Variants in KIAA1217 observed in about 807,000 individuals in gnomAD.
The protein encoded by KIAA1217 is sickle tail protein homolog.
Under a neutral mutation model 163.9 loss-of-function variants are expected in KIAA1217, and 88 were observed. That is an observed-to-expected ratio of 0.54 (90% CI 0.45 to 0.64). The LOEUF (loss-of-function observed/expected upper bound fraction) is 0.64. Among genes scored for constraint, KIAA1217 ranks in the 30% least tolerant of loss-of-function variants. The pLI, the probability that KIAA1217 is intolerant of heterozygous loss-of-function variation, is 0.00. For missense variants in KIAA1217, 2,372 were observed against 2,475.0 expected, an observed-to-expected ratio of 0.96 and a Z score of 0.88; for synonymous variants, 903 against 923.1, an observed-to-expected ratio of 0.98 and a Z score of 0.39.
intron 3 of KIAA1217, among the ~76,000 whole-genome samples, chr10:24,391,404 G>A (rs2054960662): frequency 7.3e-6 from 1 of 136,780 alleles, no homozygotes; most frequent in South Asian, 2.4e-4. Flanking sequence ...GGAGTGCAGT[G>A]GTGTGATCTC....
chr10:24,495,193 G>A lies in KIAA1217; in HGVS notation c.1831G>A (p.Ala611Thr). The change falls in exon 8 of 21, where the codon GCA (alanine) becomes ACA (threonine). Residue 611 changes from alanine (A) to threonine (T), a missense_variant. Coordinates refer to ENST00000376454, the MANE Select transcript of KIAA1217 (RefSeq NM_019590.5). ...AGCCAACAGGAACCACACAGATAGT[G>A]CAGGTAAGTAAGTGTTTTTGGAGCT... is the stretch of plus-strand genomic sequence containing the variant. The part of the protein sequence containing the change: ...TTANRNHTDS[A>T]GTPHVSGGKM... The A allele has an allele frequency of 1.2e-6, 2 of 1,612,446 alleles. No individual in the cohort carries two copies. Among genetic ancestry groups the A allele is most frequent in the South Asian group, 1.1e-5 (1 of 90,578 alleles).
intron 2 of KIAA1217, among the ~76,000 whole-genome samples, chr10:24,200,170 C>T (rs925348945): frequency 2.0e-5 from 3 of 151,324 alleles, no homozygotes; most frequent in African/African-American, 7.3e-5. Flanking sequence ...GTTTGTGTTG[C>T]CTCATGGCTT....
chr10:24,120,940 T>C (rs1345642435), intron 2 of KIAA1217, among the ~76,000 whole-genome samples: 5 of 152,332 alleles, frequency 3.3e-5, no homozygotes, highest in South Asian at 4.1e-4. Flanking sequence ...CTAGGTGTGA[T>C]ACTAAATATT....
chr10:24,539,217 TTTTTC>T (rs893878993), intron 17 of KIAA1217, among the ~76,000 whole-genome samples: 11 of 151,984 alleles, frequency 7.2e-5, no homozygotes, highest in African/African-American at 2.2e-4. Context: ...CATTGTAGAA[TTTTTC>T]TTTTCTTTTC....
At position 24,062,206 on chromosome 10, in the gene KIAA1217, T is replaced by A. The variant is rs530445899; in HGVS notation, c.-171+54832T>A. 1.1e-4 allele frequency among the ~76,000 whole-genome samples: 17 copies of A among 151,768 alleles called. No homozygotes were observed. The East Asian group carries it at 2.7e-3, about 24-fold the overall frequency. On this transcript the variant is annotated intron_variant, in intron 2 of 18. Transcript: ENST00000376462. ...ACAAGGTGCAGGTTTGTTACATATG[T>A]ATACATGTGCCATGTTGGTGTGCTG...
At chr10:24,399,679 T>C (rs1171513311) in intron 3 of KIAA1217, among the ~76,000 whole-genome samples, 6 of 152,132 alleles carry the variant, frequency 3.9e-5, no homozygotes, top group African/African-American at 1.2e-4. Context: ...AGAGAGTTAA[T>C]GTGAGGTTGA....
chr10:23,747,077 G>T (rs59486842), intron 1 of KIAA1217, among the ~76,000 whole-genome samples: 5 of 152,178 alleles, frequency 3.3e-5, no homozygotes, highest in South Asian at 2.1e-4. Context: ...CGAAGACTAC[G>T]CAGGGCCTAG....
chr10:23,871,590 C>T (rs547397883), intron 1 of KIAA1217, among the ~76,000 whole-genome samples: 1 of 152,054 alleles, frequency 6.6e-6, no homozygotes, highest in South Asian at 2.1e-4. Context: ...TCTGTCACTT[C>T]TTCTAAATCA....
intron 2 of KIAA1217, among the ~76,000 whole-genome samples, chr10:24,366,538 C>A (rs1257759943): frequency 6.6e-6 from 1 of 152,224 alleles, no homozygotes; most frequent in East Asian, 1.9e-4. Context: ...AAACCAAAGG[C>A]ACACTCCAGG....
intron 3 of KIAA1217, among the ~76,000 whole-genome samples, chr10:24,421,147 A>G (rs2058704814): frequency 6.6e-6 from 1 of 152,156 alleles, no homozygotes; most frequent in African/African-American, 2.4e-5. Context: ...CTGAGACTAC[A>G]GGCCTATGCC....
At chr10:24,463,323 A>G (rs1168799748) in intron 5 of KIAA1217, among the ~76,000 whole-genome samples, 1 of 152,218 alleles carries the variant, frequency 6.6e-6, no homozygotes, top group Non-Finnish European at 1.5e-5. Context: ...AGGGCTCAGT[A>G]GAGTTCCTCT....
chr10:23,735,208 A>T (rs1050844882), intron 1 of KIAA1217, among the ~76,000 whole-genome samples: 7 of 152,080 alleles, frequency 4.6e-5, no homozygotes, highest in African/African-American at 1.2e-4. Context: ...CTTCAATTTA[A>T]AAGTATAAAG....
At chr10:24,545,520 C>T (rs2075637898) in intron 20 of KIAA1217, 2 of 1,306,338 alleles carry the variant, frequency 1.5e-6, no homozygotes. Context: ...AATGCCCGAC[C>T]CCCACCCCAG....
chr10:24,228,690 T>C (rs1201153301), intron 2 of KIAA1217, among the ~76,000 whole-genome samples: 1 of 152,142 alleles, frequency 6.6e-6, no homozygotes, highest in Non-Finnish European at 1.5e-5. Flanking sequence ...GCTTCTTGGT[T>C]CTAGTACCCA....
At chr10:23,813,565 T>TAAA (rs1374508562) in intron 1 of KIAA1217, among the ~76,000 whole-genome samples, 8 of 152,174 alleles carry the variant, frequency 5.3e-5, no homozygotes, top group Non-Finnish European at 1.2e-4. Context: ...AAAATATTTA[T>TAAA]AAAATGGCTA....
Position 24,220,446 on chromosome 10 carries a change from C to CTTTTTTTT in KIAA1217, c.354+556_354+563dup, listed in dbSNP as rs530992369. Among the ~76,000 whole-genome samples the CTTTTTTTT allele has an allele frequency of 4.7e-4, 48 of 103,088 alleles. 6 individuals carry two copies. The highest frequency in any genetic ancestry group is 1.9e-3 in the African/African-American group (39 of 20,048). The allele number at this position is 103,088 out of a possible 152,430, so 67.6% of individuals were successfully genotyped here. ...ACATTAGGGTTTTGTTTCTGCTCTTCTTTTTTTTTTTTTTTTTTTTTTTTT... is the reference window on the plus strand; with the variant it reads ...ACATTAGGGTTTTGTTTCTGCTCTTCTTTTTTTTTTTTTTTTTTTTTTTTTTTTTTTTT... On this transcript the variant is annotated intron_variant, in intron 2 of 20. Coordinates refer to ENST00000376454, the MANE Select transcript of KIAA1217 (RefSeq NM_019590.5).
intron 2 of KIAA1217, among the ~76,000 whole-genome samples, chr10:24,244,928 C>A (rs1056262840): frequency 2.0e-5 from 3 of 152,104 alleles, no homozygotes; most frequent in Admixed American, 1.3e-4. Flanking sequence ...TAGTAGGCAG[C>A]AGGAACAGTC....
At chr10:24,066,935 C>T (rs963594459) in intron 2 of KIAA1217, among the ~76,000 whole-genome samples, 2 of 152,298 alleles carry the variant, frequency 1.3e-5, no homozygotes, top group African/African-American at 4.8e-5. Flanking sequence ...TTGATTGCAT[C>T]AGTTACTGAG....
rs2131141416 is a variant in KIAA1217, at chr10:23,863,761, A to G, written c.-320-143464A>G. On this transcript the variant is annotated intron_variant, in intron 1 of 18. Transcript: ENST00000376462. ...ATATTGATGTAATCTTGTAGATTTT[A>G]CCTCTGAGATTCTCCCCTTTATTTA... is the stretch of plus-strand genomic sequence containing the variant. 2.6e-5 allele frequency among the ~76,000 whole-genome samples: 4 copies of G among 152,218 alleles called. No homozygotes were observed. The Middle Eastern group carries it at 0.01, about 388-fold the overall frequency.
Sources: gnomAD v4.1 joint callset for allele counts (sites outside exome capture counted in the v4.1 genomes callset) on GRCh38, gnomAD v4.1.1 for gene constraint, MANE v1.5 for transcripts, NCBI Gene and HGNC (gene_info 2026-07-23, HGNC 2026-07-21) for gene names.